Variants in MORN1 observed in about 807,000 individuals in gnomAD.
The protein encoded by MORN1 is MORN repeat containing 1.
A neutral mutation model predicts 61.9 loss-of-function variants in MORN1; 67 were observed. The observed-to-expected ratio is 1.08, with a 90% CI of 0.89 to 1.33. The LOEUF is 1.33. Among genes scored for constraint, MORN1 ranks in the 40% most tolerant of loss-of-function variants. The pLI, the probability that MORN1 is intolerant of heterozygous loss-of-function variation, is 0.00. For synonymous variants in MORN1, 301 were observed against 292.0 expected, an observed-to-expected ratio of 1.03 and a Z score of -0.31; for missense variants, 752 against 691.2, an observed-to-expected ratio of 1.09 and a Z score of -0.99.
At chr1:2,347,729 C>T (rs373559863) in intron 10 of MORN1, among the ~76,000 whole-genome samples, 10 of 152,166 alleles carry the variant, frequency 6.6e-5, no homozygotes, top group South Asian at 2.1e-4. Flanking sequence ...GTGGACTGCA[C>T]GGCTGCTGCA....
rs544607933 is a variant in MORN1, at chr1:2,338,206, A to C, written c.1037-1356T>G. ...GCTAGGGAGAGCCAGCCTCAGAAAT[A>C]TTTCCAAATTACAGGTGGGAGAATT... On this transcript the variant is annotated intron_variant, in intron 10 of 13. Transcript: ENST00000378531. Among the ~76,000 whole-genome samples, 19 of 152,238 alleles carry C rather than the reference A, an allele frequency of 1.2e-4. No individual in the cohort carries two copies. The East Asian group carries it at 3.3e-3, about 26-fold the overall frequency.
chr1:2,354,007 G>A (rs1185568802), intron 10 of MORN1, among the ~76,000 whole-genome samples: 3 of 152,352 alleles, frequency 2.0e-5, no homozygotes, highest in East Asian at 3.9e-4. Flanking sequence ...TAAAGAGGCC[G>A]GGCATGGTGG....
rs138616555 is a variant in MORN1 at position 2,384,820 on chromosome 1, G to A, written c.537+158C>T. 2.6e-3 allele frequency among the ~76,000 whole-genome samples: 394 copies of A among 152,338 alleles called. 2 individuals carry two copies. The highest frequency in any genetic ancestry group is 0.013 in the South Asian group (62 of 4,830). Reference sequence around the variant, plus strand: ...CTCTTTTCCCAACAGGGAACTGTGAGGGGAGAGAGAAACTTATCTTCCCAC... The same window carrying A: ...CTCTTTTCCCAACAGGGAACTGTGAAGGGAGAGAGAAACTTATCTTCCCAC... On this transcript the variant is annotated intron_variant, in intron 6 of 13. Transcript: ENST00000378531.
intron 6 of MORN1, among the ~76,000 whole-genome samples, chr1:2,382,960 G>A (rs1642405798): frequency 6.6e-6 from 1 of 152,252 alleles, no homozygotes; most frequent in Non-Finnish European, 1.5e-5. Flanking sequence ...GAGCCACACT[G>A]CACCTCCCGC....
At chr1:2,387,380 G>A (rs369653039) in intron 4 of MORN1, 39 bp downstream of exon 4, 34 of 1,467,206 alleles carry the variant, frequency 2.3e-5, no homozygotes, top group Admixed American at 1.0e-4. Flanking sequence ...TCCTGAAAGC[G>A]CCCACCCTCA....
chr1:2,370,415 G>A (rs1642089846), intron 8 of MORN1, among the ~76,000 whole-genome samples: 1 of 152,202 alleles, frequency 6.6e-6, no homozygotes, highest in African/African-American at 2.4e-5. Context: ...AAATCTTTGT[G>A]AAACTTGGGT....
intron 3 of MORN1, 151 bp from the exon 4 acceptor site, chr1:2,387,680 G>A (rs1570055018): frequency 1.6e-6 from 1 of 629,802 alleles, no homozygotes; most frequent in Non-Finnish European, 2.9e-6. Flanking sequence ...TGCTTCATGA[G>A]GGAAAACATG....
At chr1:2,387,222 C>T (rs1489853431) in intron 4 of MORN1, 197 bp downstream of exon 4, 10 of 598,990 alleles carry the variant, frequency 1.7e-5, no homozygotes, top group Admixed American at 5.8e-5. Flanking sequence ...CCGCAGGACC[C>T]GCTGGGCATA....
At chr1:2,385,687 G>C in intron 5 of MORN1, 120 bp downstream of exon 5, 2 of 852,300 alleles carry the variant, frequency 2.3e-6, no homozygotes, top group East Asian at 4.9e-5. Context: ...AGACAGCAGG[G>C]GCCGGAACAG....
intron 10 of MORN1, among the ~76,000 whole-genome samples, chr1:2,347,283 G>A (rs1056442536): frequency 2.0e-5 from 3 of 152,190 alleles, no homozygotes; most frequent in Admixed American, 1.3e-4. Flanking sequence ...GTGCCAAAGC[G>A]CCTCTAGAAA....
intron 6 of MORN1, among the ~76,000 whole-genome samples, chr1:2,383,763 C>T (rs1201398877): frequency 1.3e-5 from 2 of 152,228 alleles, no homozygotes; most frequent in South Asian, 2.1e-4. Context: ...TTCGTGGCTG[C>T]GACAGCCTCA....
intron 8 of MORN1, among the ~76,000 whole-genome samples, chr1:2,370,675 T>G (rs1350975818): frequency 3.3e-5 from 1 of 30,434 alleles, no homozygotes; most frequent in Non-Finnish European, 6.6e-5. Flanking sequence ...TTTTTTCTTC[T>G]TTTTTTTTTT....
At chr1:2,350,035 C>A (rs541929417) in intron 10 of MORN1, among the ~76,000 whole-genome samples, 8 of 152,238 alleles carry the variant, frequency 5.3e-5, no homozygotes, top group Non-Finnish European at 1.0e-4. Context: ...GCAGCACCTG[C>A]ACTCCAACTC....
chr1:2,331,762 A>G (rs1641152272), intron 12 of MORN1, among the ~76,000 whole-genome samples: 1 of 152,078 alleles, frequency 6.6e-6, no homozygotes, highest in African/African-American at 2.4e-5. Context: ...TTTCTCCCGC[A>G]TGCGCCGTCC....
chr1:2,322,347 G>A (rs890089445), intron 13 of MORN1: 13 of 985,344 alleles, frequency 1.3e-5, no homozygotes, highest in African/African-American at 3.5e-5. Context: ...CCAGGAATGC[G>A]GCCGCAGCTG....
intron 6 of MORN1, among the ~76,000 whole-genome samples, chr1:2,384,081 G>C (rs1415952683): frequency 6.6e-6 from 1 of 152,178 alleles, no homozygotes; most frequent in Non-Finnish European, 1.5e-5. Flanking sequence ...TTTCCCATTG[G>C]AGTGATGGGT....
In MORN1 at chr1:2,372,265, C is replaced by T; in HGVS notation, c.745+216G>A. 3 of 541,216 alleles carry T rather than the reference C, an allele frequency of 5.5e-6. No individual in the cohort carries two copies. Among genetic ancestry groups the T allele is most frequent in the South Asian group, 4.0e-5 (2 of 49,790 alleles). The allele number at this position is 541,216 out of a possible 1,614,324, so 33.5% of individuals were successfully genotyped here. ...CACATACAGGAGCACGCACATCACA[C>T]AATATGTGCACACATGCTTGCACAC... On this transcript the variant is annotated intron_variant, in intron 8 of 13. Transcript: ENST00000378531. The surrounding 1 kb of genome is among the most constrained non-coding windows in gnomAD (Gnocchi z 5.4).
At chr1:2,358,841 GAC>G in intron 8 of MORN1, 126 bp from the exon 9 acceptor site, 1 of 1,218,538 alleles carries the variant, frequency 8.2e-7, no homozygotes, top group Non-Finnish European at 1.1e-6. Flanking sequence ...CAGTGGCTGT[GAC>G]CCTGGTGGGC....
intron 8 of MORN1, among the ~76,000 whole-genome samples, chr1:2,363,808 A>ACAAACAAAC (rs202168229): frequency 2.6e-4 from 24 of 93,094 alleles, no homozygotes; most frequent in Middle Eastern, 6.5e-3. Context: ...AAACAAACAA[A>ACAAACAAAC]AAAATATATA....
Sources: allele counts gnomAD v4.1 joint callset (sites outside exome capture counted in the v4.1 genomes callset), GRCh38; gene constraint gnomAD v4.1.1; non-coding constraint Gnocchi (gnomAD v3.1); transcripts MANE v1.5; gene names NCBI Gene and HGNC (gene_info 2026-07-23, HGNC 2026-07-21).